ATAD2B: variants seen among roughly 807,000 people sequenced by gnomAD.
The protein encoded by ATAD2B is ATPase family AAA domain-containing protein 2B.
A neutral mutation model predicts 167.6 loss-of-function variants in ATAD2B; 40 were observed. The ratio of observed to expected loss-of-function variants is 0.24; its 90% CI spans 0.19 to 0.31. The LOEUF (loss-of-function observed/expected upper bound fraction) is 0.31. Ranked by LOEUF, ATAD2B falls within the 10% of genes least tolerant of loss-of-function variation. ATAD2B has a pLI of 1.00. For synonymous variants in ATAD2B, 579 were observed against 596.5 expected, an observed-to-expected ratio of 0.97 and a Z score of 0.43; for missense variants, 1,242 against 1,757.2, an observed-to-expected ratio of 0.71 and a Z score of 5.24.
the ATAD2B span, chr2:23,684,546 T>G: frequency 8.4e-6 from 13 of 1,543,000 alleles, no homozygotes; most frequent in Non-Finnish European, 9.6e-6. The surrounding 1 kb of genome is among the most constrained non-coding windows in gnomAD (Gnocchi z 4.4). Flanking sequence ...AGGTTTGCCT[T>G]CCTTCCAGCT....
Position 23,863,649 on chromosome 2 carries a change from G to A in ATAD2B, c.1305-94C>T, listed in dbSNP as rs576412547. The stretch of plus-strand genomic sequence containing the variant: ...ATGTCCCCCCCTTCCATATAATTTT[G>A]TATTGAAGTATAATTATTAGACATT... On this transcript the variant is annotated intron_variant, in intron 11 of 27. Transcript: ENST00000238789. 40 of 1,145,016 alleles carry A rather than the reference G, an allele frequency of 3.5e-5. No individual in the cohort carries two copies. In the African/African-American group the frequency reaches 6.0e-4, roughly 17 times the overall value. The allele number at this position is 1,145,016 out of a possible 1,614,324, so 70.9% of individuals were successfully genotyped here. A position where few individuals can be genotyped will look rare whatever the true frequency, so the allele number is the denominator to read the frequency against.
chr2:23,707,207 G>A, the ATAD2B span: 1 of 152,280 alleles, frequency 6.6e-6, no homozygotes, highest in Non-Finnish European at 1.5e-5. Flanking sequence ...GGGCTGAAGA[G>A]AAGCCCAGCT....
At chr2:23,793,110 C>T (rs1035712519) in intron 19 of ATAD2B, among the ~76,000 whole-genome samples, 18 of 151,728 alleles carry the variant, frequency 1.2e-4, no homozygotes, top group Non-Finnish European at 2.2e-4. Context: ...TTTCAATGCC[C>T]CTACTTGATT....
intron 14 of ATAD2B, among the ~76,000 whole-genome samples, chr2:23,829,988 GT>G (rs70941594): frequency 6.6e-6 from 1 of 151,554 alleles, no homozygotes. Context: ...TTCTAAAATA[GT>G]TTTTTTTGTT....
At chr2:23,765,283 CTT>C (rs1476674309) in intron 23 of ATAD2B, among the ~76,000 whole-genome samples, 1 of 152,160 alleles carries the variant, frequency 6.6e-6, no homozygotes, top group Admixed American at 6.5e-5. Flanking sequence ...ATAAGAAACA[CTT>C]TATTTCTGTA....
chr2:23,772,072 C>T (rs1678410749), intron 22 of ATAD2B, among the ~76,000 whole-genome samples: 1 of 152,128 alleles, frequency 6.6e-6, no homozygotes, highest in Admixed American at 6.5e-5. Context: ...GAATCACTGT[C>T]CTGTGTTGCC....
chr2:23,888,052 T>C (rs199963958), intron 3 of ATAD2B, 67 bp from the exon 4 acceptor site: 12 of 1,090,274 alleles, frequency 1.1e-5, no homozygotes, highest in East Asian at 3.2e-5. Context: ...AAAAAAAAAA[T>C]CAAAAAATTA....
chr2:23,686,310 C>G, the ATAD2B span, among the ~76,000 whole-genome samples: 10 of 150,888 alleles, frequency 6.6e-5, no homozygotes. Context: ...CTCGGTGGCC[C>G]TCATCAGAAA....
the ATAD2B span, among the ~76,000 whole-genome samples, chr2:23,711,327 C>G: frequency 7.3e-6 from 1 of 137,774 alleles, no homozygotes; most frequent in Non-Finnish European, 1.5e-5. Context: ...AGTAATCTTT[C>G]CACAGAATTT....
chr2:23,833,706 C>T (rs541708269), intron 14 of ATAD2B, among the ~76,000 whole-genome samples: 1 of 152,198 alleles, frequency 6.6e-6, no homozygotes, highest in Non-Finnish European at 1.5e-5. Context: ...CTATCAAGAG[C>T]TTTCCTCTTG....
At chr2:23,865,022 C>A (rs562881808) in intron 10 of ATAD2B, 98 bp from the exon 11 acceptor site, 12 of 628,254 alleles carry the variant, frequency 1.9e-5, no homozygotes, top group African/African-American at 9.8e-5. Context: ...GAAATACATG[C>A]CTTTAGCAGA....
chr2:23,919,905 C>T (rs1239468944), intron 1 of ATAD2B, among the ~76,000 whole-genome samples: 1 of 150,378 alleles, frequency 6.6e-6, no homozygotes, highest in Non-Finnish European at 1.5e-5. Context: ...AATCCCAGAA[C>T]TTTCGGAGGC....
intron 18 of ATAD2B, among the ~76,000 whole-genome samples, chr2:23,799,580 A>G (rs1683150997): frequency 6.6e-6 from 1 of 150,734 alleles, no homozygotes; most frequent in Middle Eastern, 3.4e-3. Flanking sequence ...CAAAAAAAAA[A>G]AAAAAAAAAG....
intron 22 of ATAD2B, among the ~76,000 whole-genome samples, chr2:23,781,809 T>C (rs1219998551): frequency 6.6e-6 from 1 of 152,082 alleles, no homozygotes; most frequent in Non-Finnish European, 1.5e-5. Flanking sequence ...TTCTTTCTTT[T>C]CTTTCCTTTC....
chr2:23,874,016 G>A (rs1696405233), intron 8 of ATAD2B, among the ~76,000 whole-genome samples: 1 of 151,796 alleles, frequency 6.6e-6, no homozygotes, highest in African/African-American at 2.4e-5. Context: ...GTGAAACCCA[G>A]TATCTACTAA....
chr2:23,916,959 G>A (rs1703129131), intron 1 of ATAD2B, among the ~76,000 whole-genome samples: 1 of 152,176 alleles, frequency 6.6e-6, no homozygotes, highest in African/African-American at 2.4e-5. Context: ...CAGGGACTGT[G>A]TTTTATTCTC....
At chr2:23,876,692 C>G (rs932523286) in intron 7 of ATAD2B, among the ~76,000 whole-genome samples, 4 of 152,134 alleles carry the variant, frequency 2.6e-5, no homozygotes, top group Non-Finnish European at 5.9e-5. Flanking sequence ...TGTGGCAATA[C>G]TATAAAGTTG....
At chr2:23,694,409 A>C in the ATAD2B span, among the ~76,000 whole-genome samples, 3 of 151,962 alleles carry the variant, frequency 2.0e-5, no homozygotes, top group Non-Finnish European at 4.4e-5. Flanking sequence ...GCACCTCCTA[A>C]GTGGTTTCCT....
chr2:23,896,082 C>T (rs923464192), intron 1 of ATAD2B, 112 bp from the exon 2 acceptor site: 15 of 738,462 alleles, frequency 2.0e-5, no homozygotes, highest in East Asian at 1.0e-4. Flanking sequence ...TTTGGGTGGC[C>T]GAGGTGGGCG....
Sources: allele counts gnomAD v4.1 joint callset (sites outside exome capture counted in the v4.1 genomes callset), GRCh38; gene constraint gnomAD v4.1.1; non-coding constraint Gnocchi (gnomAD v3.1); transcripts MANE v1.5; gene names NCBI Gene and HGNC (gene_info 2026-07-23, HGNC 2026-07-21).